The following HNF1B variants were observed in gnomAD, a reference collection of about 807,000 sequenced individuals.
HNF1B encodes HNF1 homeobox B, also known as hepatocyte nuclear factor 1-beta.
A neutral mutation model predicts 61.7 loss-of-function variants in HNF1B; 8 were observed. The observed-to-expected ratio is 0.13, with a 90% confidence interval of 0.08 to 0.23. The LOEUF (loss-of-function observed/expected upper bound fraction) is 0.23. HNF1B is among the 10% of genes least tolerant of loss of function. The pLI is 1.00. For synonymous variants in HNF1B, 314 were observed against 287.7 expected, an observed-to-expected ratio of 1.09 and a Z score of -0.93; for missense variants, 562 against 714.5, an observed-to-expected ratio of 0.79 and a Z score of 2.43.
At chr17:37,697,177 A>C (rs1470738828) in intron 8 of HNF1B, among the ~76,000 whole-genome samples, 1 of 152,212 alleles carries the variant, frequency 6.6e-6, no homozygotes, top group African/African-American at 2.4e-5. Context: ...CTTTGTACTT[A>C]GGAGGTTGCA....
chr17:37,735,953 C>T (rs1316669761), intron 2 of HNF1B, among the ~76,000 whole-genome samples: 4 of 152,132 alleles, frequency 2.6e-5, no homozygotes, highest in Non-Finnish European at 5.9e-5. Context: ...TTTGTAGAGA[C>T]GGGGTCTCGC....
chr17:37,708,052 T>C (rs2032810293), intron 5 of HNF1B, among the ~76,000 whole-genome samples: 1 of 152,206 alleles, frequency 6.6e-6, no homozygotes, highest in African/African-American at 2.4e-5. Context: ...GACGTAGGCA[T>C]CATTATCCCC....
At chr17:37,731,548 C>T (rs1308499178) in intron 4 of HNF1B, 47 bp downstream of exon 4, 1 of 1,483,080 alleles carries the variant, frequency 6.7e-7, no homozygotes, top group South Asian at 1.2e-5. Flanking sequence ...GTGGCAAGAA[C>T]CAGGATGGTT....
At chr17:37,715,637 C>T (rs1327678534) in intron 4 of HNF1B, among the ~76,000 whole-genome samples, 1 of 152,188 alleles carries the variant, frequency 6.6e-6, no homozygotes, top group East Asian at 1.9e-4. Flanking sequence ...CACATCCATG[C>T]AATATGGAGT....
intron 6 of HNF1B, among the ~76,000 whole-genome samples, chr17:37,704,081 G>C (rs28667231): frequency 0.085 from 12,963 of 152,266 alleles, 723 homozygotes; most frequent in African/African-American, 0.16. Flanking sequence ...CACAAGGATG[G>C]TTTTGAGAAA....
chr17:37,731,805 A>C lies in HNF1B; in HGVS notation c.835T>G (p.Ser279Ala), dbSNP rs763124513. 1 of 1,608,600 alleles carries C rather than the reference A, an allele frequency of 6.2e-7. No individual in the cohort carries two copies. Among genetic ancestry groups the C allele is most frequent in the South Asian group, 1.1e-5 (1 of 90,848 alleles). ...CCCAGGCCGTGGGCTTTGGAGGGGGACACCCCTCGCTGCAAACATTCTGCC... is the reference window on the plus strand; with the variant it reads ...CCCAGGCCGTGGGCTTTGGAGGGGGCCACCCCTCGCTGCAAACATTCTGCC... Reference protein sequence around the residue: ...NRAECLQRGVSPSKAHGLGSN... With the variant: ...NRAECLQRGVAPSKAHGLGSN... The change falls in exon 4 of 9, where the codon TCC becomes GCC. Residue 279 changes from serine to alanine, a missense_variant. Ser to Ala is a moderately conservative substitution (Grantham distance 99). Transcript: ENST00000617811.
At chr17:37,695,874 G>C (rs1378091727) in intron 8 of HNF1B, among the ~76,000 whole-genome samples, 1 of 152,320 alleles carries the variant, frequency 6.6e-6, no homozygotes, top group African/African-American at 2.4e-5. Flanking sequence ...ACTTGCTCTT[G>C]AGTCTCAGAT....
chr17:37,723,308 CT>C (rs1349467488), intron 4 of HNF1B, among the ~76,000 whole-genome samples: 1 of 151,902 alleles, frequency 6.6e-6, no homozygotes, highest in Non-Finnish European at 1.5e-5. Flanking sequence ...GATCGCGCCA[CT>C]GCACTCCAGC....
At chr17:37,701,297 G>T (rs932928177) in intron 6 of HNF1B, 120 bp from the exon 7 acceptor site, 3 of 889,198 alleles carry the variant, frequency 3.4e-6, no homozygotes, top group South Asian at 1.4e-5. Context: ...TTACATAGGA[G>T]ATTCCATGGG....
At chr17:37,724,905 T>C (rs2033442598) in intron 4 of HNF1B, among the ~76,000 whole-genome samples, 1 of 16,714 alleles carries the variant, frequency 6.0e-5, no homozygotes, top group East Asian at 1.0e-3. Context: ...TATGTATGCG[T>C]GTGTGTGTGT....
intron 8 of HNF1B, among the ~76,000 whole-genome samples, chr17:37,696,956 T>C (rs2032405959): frequency 6.6e-6 from 1 of 152,206 alleles, no homozygotes; most frequent in Admixed American, 6.5e-5. Flanking sequence ...GAACGTTTCC[T>C]GAGTGGAATA....
Position 37,701,147 on chromosome 17 carries a change from G to T in HNF1B, c.1370C>A (p.Pro457His). The change falls in exon 7 of 9, where the codon CCT (proline) becomes CAT (histidine). Residue 457 changes from proline to histidine, a missense_variant. Transcript: ENST00000617811. ...GCTGCCGGCCACACTGTTGATGACAGGGACACTCTGTGCTTGGGAGGTGTT... is the reference window on the plus strand; with the variant it reads ...GCTGCCGGCCACACTGTTGATGACATGGACACTCTGTGCTTGGGAGGTGTT... ...SLNTSQAQSV[P>H]VINSVAGSLA... 23 of 1,551,650 alleles carry T rather than the reference G, an allele frequency of 1.5e-5. No homozygotes were observed. Among genetic ancestry groups the T allele is most frequent in the Non-Finnish European group, 2.0e-5 (23 of 1,147,378 alleles).
intron 2 of HNF1B, 35 bp downstream of exon 2, chr17:37,739,405 T>C: frequency 6.2e-7 from 1 of 1,602,814 alleles, no homozygotes; most frequent in Admixed American, 1.7e-5. Context: ...AAAGGTCACT[T>C]CAGGTTGAGG....
chr17:37,688,618 A>G (rs1337002328), intron 8 of HNF1B, among the ~76,000 whole-genome samples: 1 of 152,154 alleles, frequency 6.6e-6, no homozygotes. Context: ...CTAGGTGGCC[A>G]CTCAGCATGT....
At chr17:37,726,615 G>C (rs1411246962) in intron 4 of HNF1B, among the ~76,000 whole-genome samples, 1 of 152,168 alleles carries the variant, frequency 6.6e-6, no homozygotes, top group Non-Finnish European at 1.5e-5. Flanking sequence ...GATTCCCTCA[G>C]GTAACCTGGG....
Position 37,705,043 on chromosome 17 carries a change from C to G in HNF1B, c.1213G>C (p.Val405Leu). Residue 405 changes from valine (V) to leucine (L), a missense_variant, in exon 6 of 9, where the codon GTC becomes CTC. Around this residue, in one of 6 missense-constraint regions of HNF1B, gnomAD observed 211 missense variants for 200.7 expected, o/e 1.05. Coordinates refer to ENST00000617811, the MANE Select transcript of HNF1B (RefSeq NM_000458.4). ...LLSPDGKMIS[V>L]SGGGLPPVST... ...ACTGGGGGCAAACCTCCTCCTGAGA[C>G]TGAGATCTGATGGAGAGAAAAAAAC... is the stretch of plus-strand genomic sequence containing the variant. 1 of 1,613,832 alleles carries G rather than the reference C, an allele frequency of 6.2e-7. No homozygotes were observed.
intron 2 of HNF1B, among the ~76,000 whole-genome samples, chr17:37,735,814 A>G (rs1183015086): frequency 2.6e-5 from 4 of 152,132 alleles, no homozygotes; most frequent in African/African-American, 9.7e-5. Context: ...GCTGGAATGC[A>G]GTAGTACGAT....
chr17:37,713,609 G>T (rs1165570632), intron 4 of HNF1B, among the ~76,000 whole-genome samples: 1 of 152,218 alleles, frequency 6.6e-6, no homozygotes, highest in African/African-American at 2.4e-5. Flanking sequence ...AAGTGATAGA[G>T]GCTCGGCTGG....
rs187627300 is a variant in HNF1B at position 37,707,218 on chromosome 17, C to T, written c.1207-2169G>A. 4.4e-4 allele frequency among the ~76,000 whole-genome samples: 66 copies of T among 151,642 alleles called. 1 individual carries two copies. Among genetic ancestry groups the T allele is most frequent in the Admixed American group, 3.9e-3 (59 of 15,206 alleles). ...GCAGCTTCGAACTCCTGGAATTAAG[C>T]GATCTTGTCACCTCAACCTCTGGAG... is the stretch of plus-strand genomic sequence containing the variant. On this transcript the variant is annotated intron_variant, in intron 5 of 8. Transcript: ENST00000617811.
Sources: allele counts gnomAD v4.1 joint callset (sites outside exome capture counted in the v4.1 genomes callset), GRCh38; gene constraint gnomAD v4.1.1; regional missense constraint gnomAD v4.1.1; transcripts MANE v1.5; gene names NCBI Gene and HGNC (gene_info 2026-07-23, HGNC 2026-07-21).